The following DNAH11 variants were observed in gnomAD, a reference collection of about 807,000 sequenced individuals.
DNAH11 encodes the protein dynein axonemal heavy chain 11.
A neutral mutation model predicts 526.0 loss-of-function variants in DNAH11; 442 were observed. The ratio of observed to expected loss-of-function variants is 0.84; its 90% confidence interval spans 0.78 to 0.91. DNAH11 has a LOEUF of 0.91. DNAH11 is among the 40% of genes least tolerant of loss of function. The probability of loss-of-function intolerance (pLI) is 0.00; values close to 1 mark genes in which losing one functional copy is unlikely to be tolerated. For missense variants in DNAH11, 6,989 were observed against 5,448.7 expected (o/e 1.28, Z -8.90); for synonymous variants, 2,461 against 1,935.9 (o/e 1.27, Z -7.12).
intron 54 of DNAH11, among the ~76,000 whole-genome samples, chr7:21,763,126 G>A (rs543003440): frequency 1.3e-5 from 2 of 152,052 alleles, no homozygotes; most frequent in East Asian, 1.9e-4. Context: ...GGTGGATCAC[G>A]AGGTCAGGAG....
chr7:21,781,412 C>T (rs183822164), intron 57 of DNAH11, among the ~76,000 whole-genome samples: 87 of 152,308 alleles, frequency 5.7e-4, no homozygotes, highest in African/African-American at 1.9e-3. Flanking sequence ...CCAAATCACA[C>T]AAGCATCATC....
Position 21,720,795 on chromosome 7 carries a change from A to G in DNAH11, c.7205A>G (p.Tyr2402Cys), listed in dbSNP as rs747126718. The change falls in exon 44 of 82, where the codon TAT becomes TGT. Residue 2402 changes from tyrosine (Y) to cysteine (C), a missense_variant. Coordinates refer to ENST00000409508, the MANE Select transcript of DNAH11 (RefSeq NM_001277115.2). ...CCTTCTGACAGCCCAAAAGAAGTTT[A>G]TGAAGTCTATTTTGTATTTGCTTGT... ...NVPSDSPKEV[Y>C]EVYFVFACIW... 6.2e-7 allele frequency: 1 copy of G among 1,611,058 alleles called. No homozygotes were observed. Among genetic ancestry groups the G allele is most frequent in the Non-Finnish European group, 8.5e-7 (1 of 1,178,540 alleles).
At chr7:21,579,679 T>C (rs1784237077) in intron 8 of DNAH11, among the ~76,000 whole-genome samples, 3 of 152,224 alleles carry the variant, frequency 2.0e-5, no homozygotes. Context: ...TGCAGTAGAT[T>C]ATGCTAAGAC....
chr7:21,687,602 T>C (rs1424182613), intron 34 of DNAH11, 75 bp downstream of exon 34: 122 of 1,503,192 alleles, frequency 8.1e-5, no homozygotes, highest in Admixed American at 1.6e-4. Context: ...CCCTTCACTG[T>C]CTATTGCTAC....
rs781498100 is a variant in DNAH11 at position 21,570,077 on chromosome 7, T to C, written c.1203T>C (p.Ala401=). 9 of 1,602,784 alleles carry C rather than the reference T, an allele frequency of 5.6e-6. No individual in the cohort carries two copies. The highest frequency in any genetic ancestry group is 3.3e-4 in the Middle Eastern group (2 of 6,042). The change falls in exon 7 of 82, where the codon GCT becomes GCC. Residue 401 remains alanine (A), a synonymous_variant. Transcript: ENST00000409508. Reference sequence around the variant, plus strand: ...CTTTCATTAAATCCTAGGCAACAGCTTACCTTTCACCTGAGGACCTTTTGA... The same window carrying C: ...CTTTCATTAAATCCTAGGCAACAGCCTACCTTTCACCTGAGGACCTTTTGA... The part of the protein sequence containing the change: ...FCNLFINQAT[A]YLSPEDLLRG...
intron 70 of DNAH11, among the ~76,000 whole-genome samples, chr7:21,866,080 G>T (rs961505176): frequency 2.6e-5 from 4 of 152,058 alleles, no homozygotes; most frequent in African/African-American, 9.7e-5. Flanking sequence ...ATCTCATCCT[G>T]TGACTTAGAA....
chr7:21,615,697 A>C (rs1785741402), intron 21 of DNAH11, among the ~76,000 whole-genome samples: 1 of 152,118 alleles, frequency 6.6e-6, no homozygotes, highest in African/African-American at 2.4e-5. Flanking sequence ...TAAGTTAAAA[A>C]CTTAAGTGAA....
chr7:21,752,548 T>C (rs1455879496), intron 54 of DNAH11, among the ~76,000 whole-genome samples: 1 of 152,224 alleles, frequency 6.6e-6, no homozygotes, highest in African/African-American at 2.4e-5. Context: ...CTTTTAAATG[T>C]ACTTATGGCA....
chr7:21,600,230 C>A, intron 15 of DNAH11, 111 bp downstream of exon 15: 5 of 919,552 alleles, frequency 5.4e-6, no homozygotes, highest in Non-Finnish European at 7.7e-6. Context: ...GAGGCTGAGG[C>A]AAGAGGATTG....
chr7:21,787,455 A>G lies in DNAH11; in HGVS notation c.9796A>G (p.Asn3266Asp). The G allele has an allele frequency of 6.2e-7, 1 of 1,613,608 alleles. No homozygotes were observed. ...CTATGACAAAGAGCACATTCCAGAG[A>G]ACTGTCTAAAAGTGGTGAATGAACA... Reference protein sequence around the residue: ...INYDKEHIPENCLKVVNEHYL... With the variant: ...INYDKEHIPEDCLKVVNEHYL... Residue 3266 changes from asparagine (N) to aspartate (D), a missense_variant, in exon 60 of 82, where the codon AAC becomes GAC. Coordinates refer to ENST00000409508, the MANE Select transcript of DNAH11 (RefSeq NM_001277115.2).
chr7:21,584,970 C>G (rs1784435740), intron 9 of DNAH11, among the ~76,000 whole-genome samples: 1 of 142,534 alleles, frequency 7.0e-6, no homozygotes, highest in African/African-American at 3.1e-5. Flanking sequence ...AGAGTGAAAT[C>G]TCAATTACAG....
At chr7:21,878,819 G>A (rs1783807539) in intron 74 of DNAH11, among the ~76,000 whole-genome samples, 1 of 152,240 alleles carries the variant, frequency 6.6e-6, no homozygotes, top group Non-Finnish European at 1.5e-5. Flanking sequence ...GACTAGGTCT[G>A]AACTACTCAC....
chr7:21,609,168 T>G (rs1346951129), intron 20 of DNAH11, among the ~76,000 whole-genome samples: 2 of 152,196 alleles, frequency 1.3e-5, no homozygotes, highest in Non-Finnish European at 2.9e-5. Context: ...ACCAGCTGAA[T>G]TAACATAACT....
intron 57 of DNAH11, among the ~76,000 whole-genome samples, chr7:21,783,693 A>G (rs1406436677): frequency 6.7e-6 from 1 of 148,888 alleles, no homozygotes; most frequent in Non-Finnish European, 1.5e-5. Context: ...TACCAGCATG[A>G]CTTTCCTCTA....
chr7:21,621,853 G>A (rs1163126063), intron 25 of DNAH11, among the ~76,000 whole-genome samples: 1 of 152,052 alleles, frequency 6.6e-6, no homozygotes, highest in Non-Finnish European at 1.5e-5. Flanking sequence ...CAAACCCACA[G>A]CCAATATCAT....
intron 54 of DNAH11, among the ~76,000 whole-genome samples, chr7:21,760,885 C>T (rs1185944779): frequency 2.0e-5 from 3 of 152,032 alleles, no homozygotes; most frequent in Non-Finnish European, 2.9e-5. Context: ...TGACTATTCA[C>T]GTGCATATTA....
intron 61 of DNAH11, among the ~76,000 whole-genome samples, chr7:21,795,667 C>T (rs146269279): frequency 2.0e-5 from 3 of 152,314 alleles, no homozygotes; most frequent in Non-Finnish European, 2.9e-5. Context: ...AATCAACGAA[C>T]GTTTTGTAAC....
intron 45 of DNAH11, among the ~76,000 whole-genome samples, chr7:21,734,923 G>C (rs923187141): frequency 6.6e-6 from 1 of 151,936 alleles, no homozygotes; most frequent in Admixed American, 6.6e-5. Flanking sequence ...TGTAATCCCA[G>C]CACTTTGGGA....
chr7:21,728,786 C>G (rs750663326), intron 45 of DNAH11, among the ~76,000 whole-genome samples: 10 of 152,174 alleles, frequency 6.6e-5, no homozygotes, highest in Admixed American at 4.6e-4. Context: ...CTTTCTATTC[C>G]AAAAGGGAGA....
Sources: gnomAD v4.1 joint callset for allele counts (sites outside exome capture counted in the v4.1 genomes callset) on GRCh38, gnomAD v4.1.1 for gene constraint, MANE v1.5 for transcripts, NCBI Gene and HGNC (gene_info 2026-07-23, HGNC 2026-07-21) for gene names.